USP47: variants seen among roughly 807,000 people sequenced by gnomAD.
The protein encoded by USP47 is ubiquitin specific peptidase 47, also known as ubiquitin carboxyl-terminal hydrolase 47.
USP47 carries 35 observed loss-of-function variants against 165.1 expected under a neutral mutation model. That is an observed-to-expected ratio of 0.21 (90% confidence interval 0.16 to 0.28). USP47 has a LOEUF of 0.28. USP47 is among the 10% of genes least tolerant of loss of function. The probability of loss-of-function intolerance (pLI) is 1.00; values close to 1 mark genes in which losing one functional copy is unlikely to be tolerated. For missense variants in USP47, 1,277 were observed against 1,607.4 expected (o/e 0.79, Z 3.52); for synonymous variants, 531 against 544.5 (o/e 0.98, Z 0.35).
At chr11:11,860,243 G>A (rs1043347345) in intron 1 of USP47, among the ~76,000 whole-genome samples, 11 of 151,748 alleles carry the variant, frequency 7.2e-5, no homozygotes, top group Non-Finnish European at 1.2e-4. Context: ...TCTGCTTCCC[G>A]GGTTCAAGCG....
intron 2 of USP47, among the ~76,000 whole-genome samples, chr11:11,882,968 A>T (rs907864236): frequency 6.6e-6 from 1 of 151,974 alleles, no homozygotes; most frequent in Admixed American, 6.6e-5. Flanking sequence ...CTGTATTTTT[A>T]TTTGCCTCCT....
At chr11:11,868,390 T>G (rs1419987987) in intron 1 of USP47, among the ~76,000 whole-genome samples, 4 of 152,194 alleles carry the variant, frequency 2.6e-5, no homozygotes, top group Non-Finnish European at 5.9e-5. Context: ...AATCACAGAT[T>G]GTAGAGTCTT....
intron 2 of USP47, among the ~76,000 whole-genome samples, chr11:11,883,022 A>G (rs1850928856): frequency 6.6e-6 from 1 of 152,170 alleles, no homozygotes; most frequent in Non-Finnish European, 1.5e-5. Context: ...CTTACTGCGT[A>G]GTGCTGAATG....
Position 11,903,293 on chromosome 11 carries a change from G to A in USP47, c.770G>A (p.Cys257Tyr). 6.2e-7 allele frequency: 1 copy of A among 1,612,624 alleles called. No homozygotes were observed. Reference sequence around the variant, plus strand: ...CAGCAGCATGATGTACAAGAACTATGCAGAGTCATGTTTGATGCTTTGGAA... The same window carrying A: ...CAGCAGCATGATGTACAAGAACTATACAGAGTCATGTTTGATGCTTTGGAA... ...AWQQHDVQELCRVMFDALEQK... is the reference protein window; with the variant it reads ...AWQQHDVQELYRVMFDALEQK... The change falls in exon 7 of 28, where the codon TGC becomes TAC. Residue 257 changes from cysteine (C) to tyrosine (Y), a missense_variant. Coordinates refer to ENST00000527733, the MANE Select transcript of USP47 (RefSeq NM_001282659.2).
rs775305034 is a variant in USP47 at position 11,930,136 on chromosome 11, A to T, written c.1595+16A>T. 7 of 1,597,954 alleles carry T rather than the reference A, an allele frequency of 4.4e-6. No individual in the cohort carries two copies. Among genetic ancestry groups the T allele is most frequent in the Non-Finnish European group, 6.0e-6 (7 of 1,166,014 alleles). ...CTTTCGCAAGGTAAGCAATTTCCTA[A>T]TTTTCAGTGTTTAAAAGTTAGAATT... On this transcript the variant is annotated intron_variant, in intron 13 of 27. Transcript: ENST00000527733.
At chr11:11,889,820 A>G (rs1436640530) in intron 3 of USP47, among the ~76,000 whole-genome samples, 1 of 152,220 alleles carries the variant, frequency 6.6e-6, no homozygotes, top group African/African-American at 2.4e-5. Context: ...GCAAGGCTAC[A>G]GTAATCAAAA....
chr11:11,888,834 C>T (rs1038565707), intron 3 of USP47, among the ~76,000 whole-genome samples: 2 of 152,142 alleles, frequency 1.3e-5, no homozygotes, highest in Non-Finnish European at 2.9e-5. Flanking sequence ...TTCAGCAGCA[C>T]ATCAAAAAGC....
rs192261845 is a variant in USP47, at chr11:11,877,873, A to C, written c.40-2304A>C. Among the ~76,000 whole-genome samples the C allele has an allele frequency of 1.3e-4, 18 of 140,386 alleles. No individual in the cohort carries two copies. In the East Asian group the frequency reaches 3.7e-3, roughly 29 times the overall value. The allele number at this position is 140,386 out of a possible 152,430, so 92.1% of individuals were successfully genotyped here. On this transcript the variant is annotated intron_variant, in intron 1 of 27. Transcript: ENST00000527733. ...TGTGTGTGTGTGCGCGCGCGCAGATAAGATATTTGGAAGGATATATGCCAG... is the reference window on the plus strand; with the variant it reads ...TGTGTGTGTGTGCGCGCGCGCAGATCAGATATTTGGAAGGATATATGCCAG...
At chr11:11,941,085 G>C (rs1447876679) in intron 19 of USP47, among the ~76,000 whole-genome samples, 2 of 151,862 alleles carry the variant, frequency 1.3e-5, no homozygotes, top group African/African-American at 4.8e-5. Context: ...CTATTATTAT[G>C]TGTTTGATCA....
chr11:11,883,889 A>G (rs1564863593), intron 2 of USP47, among the ~76,000 whole-genome samples: 1 of 152,170 alleles, frequency 6.6e-6, no homozygotes, highest in Non-Finnish European at 1.5e-5. Context: ...TACATTTGAA[A>G]TAGGTATCAT....
intron 8 of USP47, among the ~76,000 whole-genome samples, chr11:11,914,674 T>G (rs987361896): frequency 2.3e-4 from 35 of 152,250 alleles, no homozygotes; most frequent in African/African-American, 8.4e-4. Context: ...AGACATCAGT[T>G]TAGAAAAATT....
At chr11:11,903,991 T>C (rs1209841344) in intron 7 of USP47, among the ~76,000 whole-genome samples, 1 of 152,166 alleles carries the variant, frequency 6.6e-6, no homozygotes, top group African/African-American at 2.4e-5. Context: ...GGAACTACTG[T>C]GATGGCTTGG....
chr11:11,880,178 TA>T lies in USP47; in HGVS notation c.42del (p.Ile14MetfsTer23). On this transcript the variant is annotated frameshift_variant and splice_region_variant, in exon 2 of 28. Transcript: ENST00000527733. LOFTEE classifies it high-confidence loss of function. ...GEENQLVPKEIENAAEEPRVL... is the reference protein window; with the variant it reads ...GEENQLVPKEXENAAEEPRVL... Reference sequence around the variant, plus strand: ...GTCATATTTTTCTTAAAATTTCAGATAGAAAATGCTGCTGAAGAACCTAGAG... The same window carrying T: ...GTCATATTTTTCTTAAAATTTCAGATGAAAATGCTGCTGAAGAACCTAGAG... The T allele has an allele frequency of 3.4e-6, 5 of 1,471,090 alleles. No individual in the cohort carries two copies. The highest frequency in any genetic ancestry group is 3.6e-6 in the Non-Finnish European group (4 of 1,121,420). 91.1% of individuals were successfully genotyped at this position (1,471,090 alleles called of 1,614,324 possible). A position where few individuals can be genotyped will look rare whatever the true frequency, so the allele number is the denominator to read the frequency against.
chr11:11,870,701 C>T (rs935340611), intron 1 of USP47, among the ~76,000 whole-genome samples: 2 of 152,102 alleles, frequency 1.3e-5, no homozygotes, highest in Non-Finnish European at 2.9e-5. Context: ...TGTGCCACTT[C>T]CTTCTGGCCT....
At chr11:11,940,770 C>G (rs1855412346) in intron 19 of USP47, among the ~76,000 whole-genome samples, 1 of 151,732 alleles carries the variant, frequency 6.6e-6, no homozygotes, top group South Asian at 2.1e-4. Flanking sequence ...TGCCTTTGTT[C>G]ATGTGCACTC....
chr11:11,844,236 A>G (rs1310840887), intron 1 of USP47, among the ~76,000 whole-genome samples: 1 of 151,948 alleles, frequency 6.6e-6, no homozygotes, highest in Non-Finnish European at 1.5e-5. Flanking sequence ...TAAAAAAACA[A>G]TTTCTTGATT....
chr11:11,858,766 C>T (rs1055997907), intron 1 of USP47, among the ~76,000 whole-genome samples: 1 of 152,104 alleles, frequency 6.6e-6, no homozygotes, highest in Non-Finnish European at 1.5e-5. Context: ...CTTTTTATTG[C>T]TGAGTGCCAC....
chr11:11,879,534 CTGT>C (rs1323696278), intron 1 of USP47, among the ~76,000 whole-genome samples: 5 of 152,076 alleles, frequency 3.3e-5, no homozygotes, highest in African/African-American at 7.2e-5. Context: ...TAATTCCTTT[CTGT>C]ATTGGTAATT....
intron 24 of USP47, chr11:11,951,379 G>T (rs908861844): frequency 1.3e-5 from 2 of 152,086 alleles, no homozygotes; most frequent in African/African-American, 4.8e-5. Context: ...TTTGTGGGGG[G>T]CACAATTCAA....
Sources: allele counts gnomAD v4.1 joint callset (sites outside exome capture counted in the v4.1 genomes callset), GRCh38; gene constraint gnomAD v4.1.1; transcripts MANE v1.5; gene names NCBI Gene and HGNC (gene_info 2026-07-23, HGNC 2026-07-21).